The following ADGRE2 variants were observed in gnomAD, a reference collection of about 807,000 sequenced individuals.
ADGRE2 encodes the protein CD97 antigen.
In ADGRE2, 83 loss-of-function variants were observed where a neutral mutation model predicts 100.8. The observed-to-expected ratio is 0.82, with a 90% confidence interval of 0.69 to 0.99. The LOEUF (loss-of-function observed/expected upper bound fraction) is 0.99. ADGRE2 is among the 50% of genes least tolerant of loss of function. The pLI is 0.00. For missense variants in ADGRE2, 814 were observed against 1,035.7 expected, an observed-to-expected ratio of 0.79 and a Z score of 2.94; for synonymous variants, 355 against 413.0, an observed-to-expected ratio of 0.86 and a Z score of 1.70.
intron 20 of ADGRE2, 78 bp downstream of exon 20, chr19:14,743,342 A>G (rs762799719): frequency 5.1e-5 from 58 of 1,147,836 alleles, no homozygotes; most frequent in Non-Finnish European, 6.9e-5. Context: ...CTGTATTCCC[A>G]GGTTTCCTTG....
intron 4 of ADGRE2, among the ~76,000 whole-genome samples, chr19:14,773,092 A>C (rs1394709806): frequency 2.0e-5 from 3 of 147,176 alleles, no homozygotes; most frequent in African/African-American, 5.0e-5. Flanking sequence ...AAAAAAAAAA[A>C]AAAAAACAAA....
intron 6 of ADGRE2, 84 bp downstream of exon 6, chr19:14,766,894 T>G: frequency 6.6e-7 from 1 of 1,505,974 alleles, no homozygotes; most frequent in Non-Finnish European, 9.0e-7. Flanking sequence ...ATCTTCTCCC[T>G]CCTCCTCGGC....
At chr19:14,746,203 T>A (rs895807531) in intron 18 of ADGRE2, 29 bp downstream of exon 18, 1 of 1,336,678 alleles carries the variant, frequency 7.5e-7, no homozygotes, top group Non-Finnish European at 1.1e-6. Context: ...TACATGTCTG[T>A]GTGGTTATCA....
chr19:14,751,339 T>C (rs2043276685), intron 16 of ADGRE2, 97 bp downstream of exon 16: 4 of 828,378 alleles, frequency 4.8e-6, no homozygotes, highest in Non-Finnish European at 8.1e-6. Flanking sequence ...TCCCTACTGA[T>C]CTAATTAAAA....
Position 14,766,291 on chromosome 19 carries a change from G to C in ADGRE2, c.578C>G (p.Pro193Arg). Residue 193 changes from proline to arginine, a missense_variant, in exon 7 of 21, where the codon CCG becomes CGG. Transcript: ENST00000315576. The stretch of plus-strand genomic sequence containing the variant: ...GGACCCCGGAATCGGTTGCCAGCCC[G>C]GGCGGCAGCGGCACTGATAGCTGCC... ...NVGSYQCRCRPGWQPIPGSPN... is the reference protein window; with the variant it reads ...NVGSYQCRCRRGWQPIPGSPN... The C allele has an allele frequency of 6.2e-7, 1 of 1,614,066 alleles. No individual in the cohort carries two copies. The highest frequency in any genetic ancestry group is 8.5e-7 in the Non-Finnish European group (1 of 1,180,024).
chr19:14,727,837 G>C (rs1286667029), downstream of ADGRE2, among the ~76,000 whole-genome samples: 3 of 152,096 alleles, frequency 2.0e-5, no homozygotes, highest in Non-Finnish European at 2.9e-5. Flanking sequence ...AAAATCAATG[G>C]CTTATGTATA....
At chr19:14,775,011 A>AT (rs143354703) in intron 2 of ADGRE2, among the ~76,000 whole-genome samples, 6 of 149,240 alleles carry the variant, frequency 4.0e-5, no homozygotes, top group Non-Finnish European at 3.0e-5. Flanking sequence ...TTTATTATTT[A>AT]TTTTTTTTTG....
intron 17 of ADGRE2, 133 bp from the exon 18 acceptor site, chr19:14,746,456 T>C: frequency 1.6e-6 from 1 of 609,592 alleles, no homozygotes; most frequent in Non-Finnish European, 2.9e-6. Flanking sequence ...CACTGCCACC[T>C]CTGCCTCCCG....
At chr19:14,747,277 G>T (rs1342484047) in intron 16 of ADGRE2, among the ~76,000 whole-genome samples, 1 of 152,076 alleles carries the variant, frequency 6.6e-6, no homozygotes, top group Non-Finnish European at 1.5e-5. Flanking sequence ...GAGGTGGGAG[G>T]ATTGCTTGAG....
At position 14,736,423 on chromosome 19, in the gene ADGRE2, G is replaced by A. The variant is rs112032400; in HGVS notation, c.2464-179C>T. Among the ~76,000 whole-genome samples, 503 of 152,006 alleles carry A rather than the reference G, an allele frequency of 3.3e-3. 2 individuals carry two copies. The highest frequency in any genetic ancestry group is 0.011 in the African/African-American group (462 of 41,466). ...ATTAGAGGCATGTGCCACCACACCC[G>A]GCTAATTTTGTATTTTTAGTAGAGA... On this transcript the variant is annotated intron_variant, in intron 20 of 20. Transcript: ENST00000315576.
intron 16 of ADGRE2, among the ~76,000 whole-genome samples, chr19:14,748,603 G>A (rs10415393): frequency 0.39 from 59,021 of 152,070 alleles, 13,184 homozygotes; most frequent in African/African-American, 0.6. Flanking sequence ...CACCGCACCC[G>A]GCCGATCTCC....
At position 14,776,848 on chromosome 19, in the gene ADGRE2, T is replaced by G. The variant is rs879177768; in HGVS notation, c.-92A>C. 2.3e-5 allele frequency: 37 copies of G among 1,580,532 alleles called. No individual in the cohort carries two copies. In the South Asian group the frequency reaches 4.1e-4, roughly 18 times the overall value. On this transcript the variant is annotated 5_prime_UTR_variant, in exon 2 of 21. Coordinates refer to ENST00000315576, the MANE Select transcript of ADGRE2 (RefSeq NM_013447.4). ...CCGCAGGCTGGGCAGCTGTGCGGGC[T>G]GTCCCGAGGCCAGGACTTTATAAAG...
rs1416465336 is a variant in ADGRE2, at chr19:14,751,794, C to T, written c.1789-123G>A. 5 of 713,910 alleles carry T rather than the reference C, an allele frequency of 7.0e-6. No individual in the cohort carries two copies. The East Asian group carries it at 1.1e-4, about 16-fold the overall frequency. 44.2% of individuals were successfully genotyped at this position (713,910 alleles called of 1,614,324 possible). A position where few individuals can be genotyped will look rare whatever the true frequency, so the allele number is the denominator to read the frequency against. On this transcript the variant is annotated intron_variant, in intron 15 of 20. Coordinates refer to ENST00000315576, the MANE Select transcript of ADGRE2 (RefSeq NM_013447.4). ...TTGATGGCATTATAGAGAATATTTG[C>T]TGTGTAGTTGAGTCAGGCAATGGGA...
At chr19:14,766,184 T>C in intron 7 of ADGRE2, 51 bp downstream of exon 7, 1 of 1,613,262 alleles carries the variant, frequency 6.2e-7, no homozygotes, top group Non-Finnish European at 8.5e-7. Context: ...CCGTTGAACA[T>C]GTGATCAGAT....
At chr19:14,741,823 C>T (rs1005054293) in intron 20 of ADGRE2, 6 of 383,904 alleles carry the variant, frequency 1.6e-5, no homozygotes, top group Admixed American at 1.3e-4. Flanking sequence ...AGTAGTCTTA[C>T]TTTGCTCATC....
intron 3 of ADGRE2, 32 bp from the exon 4 acceptor site, chr19:14,774,086 A>C: frequency 6.3e-7 from 1 of 1,595,140 alleles, no homozygotes; most frequent in Non-Finnish European, 8.6e-7. Flanking sequence ...TCAGAAGGTG[A>C]GGGGTAAGGG....
At chr19:14,732,040 C>T (rs1466693291), downstream of ADGRE2, 1 of 152,164 alleles carries the variant, frequency 6.6e-6, no homozygotes, top group African/African-American at 2.4e-5. Context: ...CCTCATTTTC[C>T]ATCTTACAAA....
In ADGRE2 at chr19:14,775,709, C is replaced by G. The variant is rs548917418; in HGVS notation, c.31+1017G>C. On this transcript the variant is annotated intron_variant, in intron 2 of 20. Transcript: ENST00000315576. ...CCCCGTCTCTACTAAAAATACAAAA[C>G]ATTAGCTGGGCGTGGTGGCAGACTC... Among the ~76,000 whole-genome samples the G allele has an allele frequency of 3.3e-5, 5 of 151,748 alleles. No individual in the cohort carries two copies. The East Asian group carries it at 9.7e-4, about 30-fold the overall frequency.
chr19:14,752,299 G>T (rs762866983), intron 15 of ADGRE2, 30 bp downstream of exon 15: 1 of 1,613,280 alleles, frequency 6.2e-7, no homozygotes, highest in Non-Finnish European at 8.5e-7. Context: ...CGTCAAGGAA[G>T]GGAGCCCTCT....
Sources: allele counts gnomAD v4.1 joint callset (sites outside exome capture counted in the v4.1 genomes callset), GRCh38; gene constraint gnomAD v4.1.1; transcripts MANE v1.5; gene names NCBI Gene and HGNC (gene_info 2026-07-23, HGNC 2026-07-21).